The following E2F6 variants were observed in gnomAD, a reference collection of about 807,000 sequenced individuals.
The protein encoded by E2F6 is E2F transcription factor 6, also known as transcription factor E2F6.
E2F6 carries 19 observed loss-of-function variants against 31.5 expected under a neutral mutation model. That is an observed-to-expected ratio of 0.60 (90% CI 0.42 to 0.89). E2F6 has a LOEUF of 0.89. Ranked by LOEUF, E2F6 falls within the 40% of genes least tolerant of loss-of-function variation. The probability of loss-of-function intolerance (pLI) is 0.00; values close to 1 mark genes in which losing one functional copy is unlikely to be tolerated. For missense variants in E2F6, 269 were observed against 341.6 expected (o/e 0.79, Z 1.67); for synonymous variants, 121 against 127.7 (o/e 0.95, Z 0.36).
intron 3 of E2F6, among the ~76,000 whole-genome samples, chr2:11,453,279 C>T (rs1274174659): frequency 2.6e-5 from 4 of 152,078 alleles, no homozygotes; most frequent in Admixed American, 6.6e-5. Context: ...TCAGACCTAC[C>T]GAATTACAAC....
intron 1 of E2F6, among the ~76,000 whole-genome samples, chr2:11,462,075 T>C (rs1375071227): frequency 4.6e-5 from 7 of 152,208 alleles, no homozygotes; most frequent in African/African-American, 1.7e-4. Flanking sequence ...TCTAATCAGA[T>C]TAAAGAATCA....
In E2F6 at chr2:11,465,837, G is replaced by A; in HGVS notation, c.43C>T (p.Leu15=). The stretch of plus-strand genomic sequence containing the variant: ...CGAACCGTCTCCTCCGTCGGGTCCA[G>A]GAGGAGACTGGGTAACTTCCTCGCC... ...RPARKLPSLL[L]DPTEETVRRR... is the part of the protein sequence containing the mutation. Residue 15 remains leucine, a synonymous_variant, in exon 1 of 7, where the codon CTG becomes TTG. Coordinates refer to ENST00000381525, the MANE Select transcript of E2F6 (RefSeq NM_198256.4). 6.3e-7 allele frequency: 1 copy of A among 1,590,934 alleles called. No individual in the cohort carries two copies.
In E2F6 at chr2:11,447,860, A is replaced by C; in HGVS notation, c.652-86T>G. ...ACTAGAACTGCAAAAATTTCGAGAC[A>C]TTTGAGAAAATCACCTTAGCTGTAG... On this transcript the variant is annotated intron_variant, in intron 5 of 6. Transcript: ENST00000381525. 9 of 1,459,698 alleles carry C rather than the reference A, an allele frequency of 6.2e-6. No homozygotes were observed. The South Asian group carries it at 1.2e-4, about 20-fold the overall frequency. 90.4% of individuals were successfully genotyped at this position (1,459,698 alleles called of 1,614,324 possible).
At chr2:11,464,901 GA>G (rs1391841711) in intron 1 of E2F6, among the ~76,000 whole-genome samples, 1 of 152,178 alleles carries the variant, frequency 6.6e-6, no homozygotes, top group African/African-American at 2.4e-5. Flanking sequence ...ACTAGTTATA[GA>G]AAGAAAGCAG....
intron 1 of E2F6, among the ~76,000 whole-genome samples, chr2:11,465,013 T>C (rs1672052159): frequency 6.6e-6 from 1 of 151,602 alleles, no homozygotes; most frequent in Non-Finnish European, 1.5e-5. Context: ...ATCCCGTCTC[T>C]ACTAAAAATA....
chr2:11,463,958 G>GGGGGGGGA (rs56958029), intron 1 of E2F6, among the ~76,000 whole-genome samples: 7 of 106,348 alleles, frequency 6.6e-5, no homozygotes, highest in Non-Finnish European at 8.1e-5. Flanking sequence ...CGGGGGGGGG[G>GGGGGGGGA]ACAAAAACAA....
chr2:11,464,202 A>G (rs1264146413), intron 1 of E2F6, among the ~76,000 whole-genome samples: 1 of 152,048 alleles, frequency 6.6e-6, no homozygotes, highest in Non-Finnish European at 1.5e-5. Flanking sequence ...TTGGCTGGTA[A>G]TAAGAGGCCA....
chr2:11,464,034 C>T lies in E2F6; in HGVS notation c.108+1738G>A, dbSNP rs372165150. 4.8e-4 allele frequency among the ~76,000 whole-genome samples: 72 copies of T among 149,672 alleles called. No individual in the cohort carries two copies. The South Asian group carries it at 0.015, about 31-fold the overall frequency. On this transcript the variant is annotated intron_variant, in intron 1 of 6. Coordinates refer to ENST00000381525, the MANE Select transcript of E2F6 (RefSeq NM_198256.4). ...TGAGGACAAGGAGAAGCCAGAGAAG[C>T]AGATGGAGCATCAAACGTCAAGGAA...
intron 2 of E2F6, among the ~76,000 whole-genome samples, chr2:11,454,529 T>C (rs991005514): frequency 1.3e-5 from 2 of 152,096 alleles, no homozygotes; most frequent in African/African-American, 4.8e-5. Flanking sequence ...GCATTTTTAG[T>C]AGAGACGGGG....
chr2:11,458,279 A>C (rs1671537944), intron 1 of E2F6: 1 of 1,551,674 alleles, frequency 6.4e-7, no homozygotes, highest in Admixed American at 2.0e-5. Flanking sequence ...CAGGGAACTC[A>C]CAGAAGGATT....
At chr2:11,455,872 G>C (rs902575769) in intron 2 of E2F6, among the ~76,000 whole-genome samples, 1 of 152,182 alleles carries the variant, frequency 6.6e-6, no homozygotes, top group Non-Finnish European at 1.5e-5. Flanking sequence ...AACTGGGAAG[G>C]CCTCTTGATG....
At position 11,462,787 on chromosome 2, in the gene E2F6, G is replaced by A. The variant is rs183130659; in HGVS notation, c.108+2985C>T. 1.8e-3 allele frequency among the ~76,000 whole-genome samples: 275 copies of A among 152,304 alleles called. 4 individuals carry two copies. Among genetic ancestry groups the A allele is most frequent in the Non-Finnish European group, 2.9e-5 (2 of 68,032 alleles). ...TGCTGGGTGGTACTGGACAGCTCAA[G>A]ATTTCATGACACTACTGAGAATGGC... On this transcript the variant is annotated intron_variant, in intron 1 of 6. Transcript: ENST00000381525.
chr2:11,450,399 T>C (rs192269704), intron 4 of E2F6, among the ~76,000 whole-genome samples: 4 of 152,280 alleles, frequency 2.6e-5, no homozygotes, highest in African/African-American at 9.6e-5. Context: ...ATGATGGCAA[T>C]TTCTGGAGAA....
intron 2 of E2F6, 130 bp downstream of exon 2, chr2:11,457,049 C>G (rs1301795325): frequency 1.4e-6 from 1 of 736,058 alleles, no homozygotes; most frequent in East Asian, 2.8e-5. Context: ...AAACTTGCAA[C>G]TTTACATTTC....
At chr2:11,453,549 C>T (rs1671204510) in intron 3 of E2F6, 33 bp downstream of exon 3, 4 of 1,603,814 alleles carry the variant, frequency 2.5e-6, no homozygotes, top group Non-Finnish European at 3.4e-6. Flanking sequence ...TGAGAAGGAA[C>T]AAAAGCCACG....
In E2F6 at chr2:11,445,657, T is replaced by C. The variant is rs1192218511; in HGVS notation, c.*820A>G. On this transcript the variant is annotated 3_prime_UTR_variant, in exon 7 of 7. Coordinates refer to ENST00000381525, the MANE Select transcript of E2F6 (RefSeq NM_198256.4). ...TCATGTTTCACAATGAATTCAGCTA[T>C]TTCCTGATGGCATTTCTATCCTTGC... The C allele has an allele frequency of 6.6e-6, 1 of 152,216 alleles. No individual in the cohort carries two copies. Among genetic ancestry groups the C allele is most frequent in the East Asian group, 1.9e-4 (1 of 5,196 alleles). 9.4% of individuals were successfully genotyped at this position (152,216 alleles called of 1,614,324 possible).
chr2:11,462,045 A>C (rs1176431569), intron 1 of E2F6, among the ~76,000 whole-genome samples: 1 of 152,354 alleles, frequency 6.6e-6, no homozygotes, highest in Admixed American at 6.5e-5. Flanking sequence ...TTAGAAGTAG[A>C]GCTCTTGGCA....
At chr2:11,464,595 G>T (rs952412287) in intron 1 of E2F6, among the ~76,000 whole-genome samples, 2 of 151,498 alleles carry the variant, frequency 1.3e-5, no homozygotes, top group Non-Finnish European at 1.5e-5. Flanking sequence ...TGGAATCAAG[G>T]GAGAGATCTT....
Position 11,446,205 on chromosome 2 carries a change from T to A in E2F6, c.*272A>T, listed in dbSNP as rs771853817. Reference sequence around the variant, plus strand: ...GCCTGACTGTCTGTCTTCATGACACTCTGTGATGAAGCTACTTCAGGAGGC... The same window carrying A: ...GCCTGACTGTCTGTCTTCATGACACACTGTGATGAAGCTACTTCAGGAGGC... On this transcript the variant is annotated 3_prime_UTR_variant, in exon 7 of 7. Transcript: ENST00000381525. 8.5e-4 allele frequency: 380 copies of A among 444,586 alleles called. No homozygotes were observed. Among genetic ancestry groups the A allele is most frequent in the Non-Finnish European group, 1.3e-3 (328 of 247,128 alleles). 27.5% of individuals were successfully genotyped at this position (444,586 alleles called of 1,614,324 possible).
Sources: gnomAD v4.1 joint callset for allele counts (sites outside exome capture counted in the v4.1 genomes callset) on GRCh38, gnomAD v4.1.1 for gene constraint, MANE v1.5 for transcripts, NCBI Gene and HGNC (gene_info 2026-07-23, HGNC 2026-07-21) for gene names.